The following FBXO10 variants were observed in gnomAD, a reference collection of about 807,000 sequenced individuals.
FBXO10 encodes the protein F-box only protein 10.
Under a neutral mutation model 80.7 loss-of-function variants are expected in FBXO10, and 39 were observed. The ratio of observed to expected loss-of-function variants is 0.48; its 90% CI spans 0.37 to 0.63. FBXO10 has a LOEUF of 0.63. Ranked by LOEUF, FBXO10 falls within the 30% of genes least tolerant of loss-of-function variation. The pLI, the probability that FBXO10 is intolerant of heterozygous loss-of-function variation, is 0.00. For synonymous variants in FBXO10, 449 were observed against 489.6 expected (o/e 0.92, Z 1.09); for missense variants, 1,025 against 1,269.0 (o/e 0.81, Z 2.92).
intron 1 of FBXO10, among the ~76,000 whole-genome samples, chr9:37,548,371 C>T (rs12550961): frequency 0.093 from 14,204 of 152,088 alleles, 852 homozygotes; most frequent in Non-Finnish European, 0.14. Flanking sequence ...GGCAACACAG[C>T]GAGACTCCAT....
At position 37,565,997 on chromosome 9, in the gene FBXO10, C is replaced by T. The variant is rs566574230; in HGVS notation, c.-7+10214G>A. Among the ~76,000 whole-genome samples, 5 of 152,304 alleles carry T rather than the reference C, an allele frequency of 3.3e-5. No homozygotes were observed. In the South Asian group the frequency reaches 8.3e-4, roughly 25 times the overall value. ...TGAAGGGATCAGTGAGAAAGGCCAC[C>T]TGTATTAGTTCACATGGAACACCCT... On this transcript the variant is annotated intron_variant, in intron 1 of 10. Transcript: ENST00000432825.
intron 10 of FBXO10, chr9:37,515,694 C>T (rs577124726): frequency 3.8e-6 from 2 of 525,656 alleles, no homozygotes; most frequent in East Asian, 3.3e-5. Context: ...AAACCACATA[C>T]CCCTGACTCT....
intron 4 of FBXO10, 92 bp from the exon 5 acceptor site, chr9:37,529,352 G>T (rs751146777): frequency 2.4e-4 from 332 of 1,378,562 alleles, no homozygotes; most frequent in Non-Finnish European, 3.2e-4. Context: ...GCGGCAGGAT[G>T]AACACAGTGG....
intron 1 of FBXO10, among the ~76,000 whole-genome samples, chr9:37,550,349 A>G (rs1822167540): frequency 6.7e-6 from 1 of 149,994 alleles, no homozygotes; most frequent in Non-Finnish European, 1.5e-5. Context: ...TGCCCAGCTA[A>G]TTTTTGTATT....
At position 37,565,102 on chromosome 9, in the gene FBXO10, T is replaced by G. The variant is rs535039464; in HGVS notation, c.-7+11109A>C. Among the ~76,000 whole-genome samples the G allele has an allele frequency of 7.9e-5, 12 of 152,328 alleles. No homozygotes were observed. In the South Asian group the frequency reaches 2.3e-3, roughly 29 times the overall value. On this transcript the variant is annotated intron_variant, in intron 1 of 10. Coordinates refer to ENST00000432825, the MANE Select transcript of FBXO10 (RefSeq NM_012166.3). Reference sequence around the variant, plus strand: ...TCGTGATAGTGAGTCCCATGAGATCTGATGCTTTTATAAGTCTCTGGAATT... The same window carrying G: ...TCGTGATAGTGAGTCCCATGAGATCGGATGCTTTTATAAGTCTCTGGAATT...
At chr9:37,516,503 C>T (rs10124667) in intron 9 of FBXO10, among the ~76,000 whole-genome samples, 8,798 of 152,230 alleles carry the variant, frequency 0.058, 653 homozygotes, top group African/African-American at 0.17. Context: ...CACTAACCCA[C>T]GAAGCTGCAG....
chr9:37,530,856 G>C (rs1307627051), intron 4 of FBXO10, among the ~76,000 whole-genome samples: 1 of 152,200 alleles, frequency 6.6e-6, no homozygotes, highest in Non-Finnish European at 1.5e-5. Context: ...GCCCAGGCTG[G>C]TCTTAAACTC....
At chr9:37,529,067 G>A in intron 5 of FBXO10, 57 bp downstream of exon 5, 1 of 1,606,260 alleles carries the variant, frequency 6.2e-7, no homozygotes. Context: ...GTTTTCAAAT[G>A]GAGGAGAGAC....
intron 1 of FBXO10, among the ~76,000 whole-genome samples, chr9:37,563,176 C>T (rs565705673): frequency 1.3e-5 from 2 of 152,266 alleles, no homozygotes; most frequent in East Asian, 1.9e-4. Flanking sequence ...CCTGCCACCC[C>T]GTGAAGAGGT....
chr9:37,541,704 T>C lies in FBXO10; in HGVS notation c.65A>G (p.Asp22Gly). 6.2e-7 allele frequency: 1 copy of C among 1,613,740 alleles called. No individual in the cohort carries two copies. Among genetic ancestry groups the C allele is most frequent in the Non-Finnish European group, 8.5e-7 (1 of 1,179,878 alleles). The change falls in exon 2 of 11, where the codon GAC becomes GGC. Residue 22 changes from aspartate to glycine, a missense_variant. Asp to Gly is a moderately conservative substitution (Grantham distance 94). Transcript: ENST00000432825. ...RMILAYLHLP[D>G]LGRCSLVCRA... The stretch of plus-strand genomic sequence containing the variant: ...GCATACCAGGCTGCAGCGGCCCAGG[T>C]CGGGAAGGTGCAAGTAGGCTAAGAT...
Position 37,521,817 on chromosome 9 carries a change from C to A in FBXO10, c.1952G>T (p.Trp651Leu). 1 of 1,596,964 alleles carries A rather than the reference C, an allele frequency of 6.3e-7. No individual in the cohort carries two copies. Among genetic ancestry groups the A allele is most frequent in the Non-Finnish European group, 8.5e-7 (1 of 1,175,432 alleles). The change falls in exon 8 of 11, where the codon TGG becomes TTG. Residue 651 changes from tryptophan to leucine, a missense_variant. By Grantham distance (61) the Trp-to-Leu change is moderately conservative (BLOSUM62 -2). Coordinates refer to ENST00000432825, the MANE Select transcript of FBXO10 (RefSeq NM_012166.3). ...ATGGGGGAGGCTGGACGACATCATC[C>A]ACACACCACAGCCCTTGTTAGCTGG... ...TIYANKGCGV[W>L]MMSSSLPHVT...
chr9:37,549,344 C>T (rs375965085), intron 1 of FBXO10, among the ~76,000 whole-genome samples: 28 of 152,244 alleles, frequency 1.8e-4, no homozygotes, highest in African/African-American at 5.3e-4. Flanking sequence ...ACAGAGCACA[C>T]AAAGCAAATG....
At chr9:37,544,078 C>A (rs1163384038) in intron 1 of FBXO10, among the ~76,000 whole-genome samples, 1 of 152,178 alleles carries the variant, frequency 6.6e-6, no homozygotes, top group Non-Finnish European at 1.5e-5. Context: ...ACCAGCCTGG[C>A]TAATACAGTG....
rs770162747 is a variant in FBXO10, at chr9:37,521,847, G to A, written c.1931-9C>T. On this transcript the variant is annotated splice_polypyrimidine_tract_variant and intron_variant, in intron 7 of 10. Transcript: ENST00000432825. ...ACCACAGCCCTTGTTAGCTGGGACA[G>A]TGAGAGGAGCTGGTCACCGACACTG... 19 of 1,561,890 alleles carry A rather than the reference G, an allele frequency of 1.2e-5. No individual in the cohort carries two copies. The highest frequency in any genetic ancestry group is 1.2e-4 in the South Asian group (10 of 85,108).
At chr9:37,520,767 C>T (rs920620096) in intron 8 of FBXO10, among the ~76,000 whole-genome samples, 2 of 152,106 alleles carry the variant, frequency 1.3e-5, no homozygotes, top group African/African-American at 2.4e-5. Flanking sequence ...ATATGCATCT[C>T]GTGGGAGATG....
At chr9:37,521,975 G>T in intron 7 of FBXO10, 137 bp from the exon 8 acceptor site, 1 of 908,994 alleles carries the variant, frequency 1.1e-6, no homozygotes, top group Non-Finnish European at 1.6e-6. Flanking sequence ...CAAGCCACCT[G>T]ATGGCTCTAG....
intron 1 of FBXO10, among the ~76,000 whole-genome samples, chr9:37,542,316 CCGGG>C: frequency 6.6e-6 from 1 of 152,200 alleles, no homozygotes. Context: ...TGACTCCAGG[CCGGG>C]CGCAATGGCT....
intron 1 of FBXO10, among the ~76,000 whole-genome samples, chr9:37,548,242 G>T (rs958400562): frequency 2.0e-5 from 3 of 149,646 alleles, no homozygotes; most frequent in Non-Finnish European, 4.5e-5. Context: ...AAAATTATCT[G>T]GGCATGGTGG....
intron 4 of FBXO10, among the ~76,000 whole-genome samples, chr9:37,529,788 G>A (rs1821570944): frequency 1.3e-5 from 2 of 152,112 alleles, no homozygotes; most frequent in African/African-American, 4.8e-5. Flanking sequence ...CTGTCCCATG[G>A]GGCATAAGGT....
Sources: gnomAD v4.1 joint callset for allele counts (sites outside exome capture counted in the v4.1 genomes callset) on GRCh38, gnomAD v4.1.1 for gene constraint, MANE v1.5 for transcripts, NCBI Gene and HGNC (gene_info 2026-07-23, HGNC 2026-07-21) for gene names.